Variants in SIRPB2 observed in about 807,000 individuals in gnomAD.
The protein encoded by SIRPB2 is signal-regulatory protein beta-2.
SIRPB2 carries 18 observed loss-of-function variants against 27.1 expected under a neutral mutation model. That is an observed-to-expected ratio of 0.66 (90% confidence interval 0.46 to 0.98). The LOEUF is 0.98. SIRPB2 is among the 50% of genes least tolerant of loss of function. The probability of loss-of-function intolerance (pLI) is 0.00; values close to 1 mark genes in which losing one functional copy is unlikely to be tolerated. For missense variants in SIRPB2, 420 were observed against 417.4 expected, an observed-to-expected ratio of 1.01 and a Z score of -0.06; for synonymous variants, 150 against 164.6, an observed-to-expected ratio of 0.91 and a Z score of 0.68.
rs2090648201 is a variant in SIRPB2, at chr20:1,479,777, T to A, written c.374A>T (p.Tyr125Phe). The A allele has an allele frequency of 4.3e-6, 7 of 1,614,176 alleles. No homozygotes were observed. Among genetic ancestry groups the A allele is most frequent in the Non-Finnish European group, 5.1e-6 (6 of 1,180,004 alleles). The change falls in exon 2 of 5, where the codon TAC becomes TTC. Residue 125 changes from tyrosine (Y) to phenylalanine (F), a missense_variant. Physicochemically the swap from Tyr to Phe is conservative, Grantham distance 22. Coordinates refer to ENST00000359801, the MANE Select transcript of SIRPB2 (RefSeq NM_001122962.2). ...CAAACCATCAAACCTCACACAGTGG[T>A]AGGTTCCAGTGTGCTCCCTGGTGAC... Reference protein sequence around the residue: ...HNVTREHTGTYHCVRFDGLSE... With the variant: ...HNVTREHTGTFHCVRFDGLSE...
intron 4 of SIRPB2, 123 bp downstream of exon 4, chr20:1,477,215 G>A (rs2123008495): frequency 6.2e-7 from 1 of 1,611,868 alleles, no homozygotes; most frequent in East Asian, 2.2e-5. Context: ...TGAAGTCCTG[G>A]GAGCATTCTT....
At chr20:1,483,727 A>G (rs1404918702) in intron 1 of SIRPB2, among the ~76,000 whole-genome samples, 1 of 151,932 alleles carries the variant, frequency 6.6e-6, no homozygotes, top group East Asian at 1.9e-4. Flanking sequence ...CACTCTTTTG[A>G]TTATTTTTCT....
chr20:1,485,653 C>G (rs6033886), intron 1 of SIRPB2, among the ~76,000 whole-genome samples: 65 of 147,186 alleles, frequency 4.4e-4, no homozygotes, highest in African/African-American at 1.6e-3. Flanking sequence ...CACACACACA[C>G]CACACACACA....
Position 1,476,143 on chromosome 20 carries a change from G to A in SIRPB2, c.*24C>T. 6.2e-7 allele frequency: 1 copy of A among 1,606,514 alleles called. No individual in the cohort carries two copies. Among genetic ancestry groups the A allele is most frequent in the South Asian group, 1.1e-5 (1 of 90,204 alleles). On this transcript the variant is annotated 3_prime_UTR_variant, in exon 5 of 5. Coordinates refer to ENST00000359801, the MANE Select transcript of SIRPB2 (RefSeq NM_001122962.2). The stretch of plus-strand genomic sequence containing the variant: ...GCCCTGGCTCCTCTCCAACTCAGAG[G>A]GTCCTCACTCTGGGGCTGACCCCTC...
In SIRPB2 at chr20:1,490,779, C is replaced by T. The variant is rs192004699; in HGVS notation, c.85+496G>A. Among the ~76,000 whole-genome samples, 509 of 152,216 alleles carry T rather than the reference C, an allele frequency of 3.3e-3. 3 individuals carry two copies. The highest frequency in any genetic ancestry group is 4.8e-3 in the Non-Finnish European group (326 of 68,008). ...TTCATGGCTGTGCCATCTATGTAGT[C>T]GCACAGGGCCCTGTGCTTAGAAGGA... On this transcript the variant is annotated intron_variant, in intron 1 of 4. Coordinates refer to ENST00000359801, the MANE Select transcript of SIRPB2 (RefSeq NM_001122962.2).
intron 1 of SIRPB2, among the ~76,000 whole-genome samples, chr20:1,483,256 G>A (rs2090691905): frequency 6.6e-6 from 1 of 151,940 alleles, no homozygotes; most frequent in African/African-American, 2.4e-5. Context: ...ACAGGCACAT[G>A]ACACTACACT....
chr20:1,483,263 C>A (rs557040262), intron 1 of SIRPB2, among the ~76,000 whole-genome samples: 3 of 151,556 alleles, frequency 2.0e-5, no homozygotes, highest in Non-Finnish European at 4.4e-5. Flanking sequence ...CATGACACTA[C>A]ACTTGGCTAA....
At chr20:1,477,447 C>T (rs771869934) in intron 3 of SIRPB2, 44 bp from the exon 4 acceptor site, 24 of 1,572,764 alleles carry the variant, frequency 1.5e-5, no homozygotes, top group African/African-American at 2.7e-5. Context: ...TTATCTTTAT[C>T]TCCCACCACT....
rs2090603343 is a variant in SIRPB2 at position 1,476,108 on chromosome 20, T to C, written c.*59A>G. 3 of 1,581,912 alleles carry C rather than the reference T, an allele frequency of 1.9e-6. 1 individual carries two copies. In the Admixed American group the frequency reaches 5.9e-5, roughly 31 times the overall value. On this transcript the variant is annotated 3_prime_UTR_variant, in exon 5 of 5. Coordinates refer to ENST00000359801, the MANE Select transcript of SIRPB2 (RefSeq NM_001122962.2). The stretch of plus-strand genomic sequence containing the variant: ...GAGGCTGGGACTGGAGGTAGGGAAA[T>C]GGTTGAGGAGCCCTGGCTCCTCTCC...
At chr20:1,477,084 G>C in intron 4 of SIRPB2, 1 of 1,455,444 alleles carries the variant, frequency 6.9e-7, no homozygotes, top group Non-Finnish European at 9.1e-7. Flanking sequence ...ATCACAGGGA[G>C]CTCACCACCT....
intron 1 of SIRPB2, among the ~76,000 whole-genome samples, chr20:1,483,807 G>A (rs945566450): frequency 2.0e-4 from 30 of 151,930 alleles, no homozygotes; most frequent in African/African-American, 7.0e-4. Flanking sequence ...CCTGTCTTTC[G>A]AAGTCTTAGC....
chr20:1,489,296 C>G (rs970601694), intron 1 of SIRPB2, among the ~76,000 whole-genome samples: 7 of 152,184 alleles, frequency 4.6e-5, no homozygotes, highest in African/African-American at 1.7e-4. Flanking sequence ...ATACACCCAG[C>G]ACTCACAAAA....
At chr20:1,472,440 A>G (rs2090583761), downstream of SIRPB2, among the ~76,000 whole-genome samples, 1 of 152,194 alleles carries the variant, frequency 6.6e-6, no homozygotes, top group South Asian at 2.1e-4. Flanking sequence ...TGTGGTGAGT[A>G]GGGTCATCTG....
At chr20:1,477,011 G>C in intron 4 of SIRPB2, 1 of 1,277,898 alleles carries the variant, frequency 7.8e-7, no homozygotes, top group Non-Finnish European at 1.0e-6. Flanking sequence ...AGGAGGCTTA[G>C]CTACAAAGCC....
intron 1 of SIRPB2, among the ~76,000 whole-genome samples, chr20:1,480,996 G>A (rs2090665432): frequency 6.6e-6 from 1 of 152,166 alleles, no homozygotes; most frequent in Non-Finnish European, 1.5e-5. Flanking sequence ...ATGAAGTGAG[G>A]CTATTTTGAA....
chr20:1,477,754 C>T (rs1339313739), intron 3 of SIRPB2, among the ~76,000 whole-genome samples: 1 of 152,222 alleles, frequency 6.6e-6, no homozygotes, highest in Non-Finnish European at 1.5e-5. Flanking sequence ...TGGCTCACTG[C>T]AACCTCCGCC....
downstream of SIRPB2, among the ~76,000 whole-genome samples, chr20:1,472,447 T>G (rs562128341): frequency 2.0e-5 from 3 of 152,180 alleles, no homozygotes; most frequent in African/African-American, 7.2e-5. Flanking sequence ...AGTAGGGTCA[T>G]CTGACTTCTG....
intron 1 of SIRPB2, among the ~76,000 whole-genome samples, chr20:1,486,781 G>A (rs934698953): frequency 2.1e-4 from 32 of 152,266 alleles, no homozygotes; most frequent in African/African-American, 7.5e-4. Flanking sequence ...ACTTGAACAT[G>A]CATTCCTAAT....
At chr20:1,476,928 G>C (rs6042500) in intron 4 of SIRPB2, 276,429 of 1,175,808 alleles carry the variant, frequency 0.24, 40,734 homozygotes, top group East Asian at 0.75. Context: ...TCCCCTCCCC[G>C]CTAGTTCATA....
Sources: gnomAD v4.1 joint callset for allele counts (sites outside exome capture counted in the v4.1 genomes callset) on GRCh38, gnomAD v4.1.1 for gene constraint, MANE v1.5 for transcripts, NCBI Gene and HGNC (gene_info 2026-07-23, HGNC 2026-07-21) for gene names.